The following SLC4A4 variants were observed in gnomAD, a reference collection of about 807,000 sequenced individuals.
SLC4A4 encodes the protein electrogenic sodium bicarbonate cotransporter 1.
Under a neutral mutation model 111.5 loss-of-function variants are expected in SLC4A4, and 27 were observed. The observed-to-expected ratio is 0.24, with a 90% CI of 0.18 to 0.33. SLC4A4 has a LOEUF of 0.33. Ranked by LOEUF, SLC4A4 falls within the 10% of genes least tolerant of loss-of-function variation. The probability of loss-of-function intolerance (pLI) is 1.00; values close to 1 mark genes in which losing one functional copy is unlikely to be tolerated. For synonymous variants in SLC4A4, 443 were observed against 463.4 expected (o/e 0.96, Z 0.57); for missense variants, 909 against 1,315.5 (o/e 0.69, Z 4.78).
At chr4:71,411,763 A>G (rs1299010435) in intron 7 of SLC4A4, among the ~76,000 whole-genome samples, 1 of 152,242 alleles carries the variant, frequency 6.6e-6, no homozygotes, top group Non-Finnish European at 1.5e-5. Context: ...GTTGGGTAGA[A>G]GAATGTAAGT....
At chr4:71,423,079 CT>C (rs1560495014) in intron 7 of SLC4A4, among the ~76,000 whole-genome samples, 1 of 152,144 alleles carries the variant, frequency 6.6e-6, no homozygotes, top group Non-Finnish European at 1.5e-5. Context: ...GGTTGTATAT[CT>C]AGAAAACCCC....
At chr4:71,330,769 A>G (rs1157873581) in intron 3 of SLC4A4, among the ~76,000 whole-genome samples, 4 of 152,284 alleles carry the variant, frequency 2.6e-5, no homozygotes, top group East Asian at 3.9e-4. Flanking sequence ...CTGCACAGCA[A>G]AAGAAACTAC....
At chr4:71,185,287 G>A (rs1027734810), upstream of SLC4A4, among the ~76,000 whole-genome samples, 1 of 152,184 alleles carries the variant, frequency 6.6e-6, no homozygotes, top group Non-Finnish European at 1.5e-5. Flanking sequence ...AACAGCAATG[G>A]CAAATTTTTA....
At chr4:71,257,614 G>A (rs1239943465) in intron 3 of SLC4A4, among the ~76,000 whole-genome samples, 1 of 152,138 alleles carries the variant, frequency 6.6e-6, no homozygotes. Context: ...AAAACTGAAT[G>A]AAATACTTGC....
At chr4:71,268,497 T>C (rs1352427708) in intron 3 of SLC4A4, among the ~76,000 whole-genome samples, 1 of 152,216 alleles carries the variant, frequency 6.6e-6, no homozygotes, top group African/African-American at 2.4e-5. Context: ...TTTTGGTTTG[T>C]TAGCTTATTT....
intron 18 of SLC4A4, among the ~76,000 whole-genome samples, chr4:71,545,293 A>G (rs560176835): frequency 6.6e-6 from 1 of 152,110 alleles, no homozygotes; most frequent in Admixed American, 6.6e-5. Flanking sequence ...AGAGGAGAGC[A>G]GTGTTGTGAC....
chr4:71,498,020 T>C (rs1251631963), intron 16 of SLC4A4, among the ~76,000 whole-genome samples: 1 of 152,188 alleles, frequency 6.6e-6, no homozygotes, highest in Non-Finnish European at 1.5e-5. Context: ...TGTGTTTAAG[T>C]ACATAATCAA....
At chr4:71,413,897 C>G (rs1721610949) in intron 7 of SLC4A4, among the ~76,000 whole-genome samples, 1 of 152,090 alleles carries the variant, frequency 6.6e-6, no homozygotes, top group African/African-American at 2.4e-5. Flanking sequence ...CATCTCTTCC[C>G]CCTTGTGCTT....
intron 3 of SLC4A4, chr4:71,338,954 G>A: frequency 2.4e-6 from 2 of 846,022 alleles, no homozygotes; most frequent in Non-Finnish European, 3.3e-6. Flanking sequence ...GGGGATCTCA[G>A]GATTGGGGTA....
chr4:71,446,703 G>A (rs552253813), intron 8 of SLC4A4, among the ~76,000 whole-genome samples: 5 of 152,282 alleles, frequency 3.3e-5, no homozygotes, highest in African/African-American at 9.6e-5. Context: ...TATAAGCTGG[G>A]CAGGCATATG....
At chr4:71,365,109 C>T (rs1261395921) in intron 6 of SLC4A4, among the ~76,000 whole-genome samples, 1 of 152,058 alleles carries the variant, frequency 6.6e-6, no homozygotes, top group African/African-American at 2.4e-5. Flanking sequence ...AAGATGTTAC[C>T]ATGTAATAAA....
chr4:71,402,604 G>A (rs2148987214), intron 7 of SLC4A4, among the ~76,000 whole-genome samples: 1 of 152,314 alleles, frequency 6.6e-6, no homozygotes, highest in South Asian at 2.1e-4. Context: ...ACATTGCTGT[G>A]TTAGAGGAGC....
At chr4:71,514,910 T>C (rs1333387429) in intron 16 of SLC4A4, among the ~76,000 whole-genome samples, 2 of 152,098 alleles carry the variant, frequency 1.3e-5, no homozygotes, top group East Asian at 3.8e-4. Flanking sequence ...AGCAGTTTAT[T>C]GGCTGTGTAT....
At chr4:71,445,031 A>G (rs1352793941) in intron 8 of SLC4A4, among the ~76,000 whole-genome samples, 1 of 152,216 alleles carries the variant, frequency 6.6e-6, no homozygotes, top group Non-Finnish European at 1.5e-5. Context: ...TAAAAAATAA[A>G]AATTGCATTA....
intron 1 of SLC4A4, among the ~76,000 whole-genome samples, chr4:71,213,150 T>G (rs560396123): frequency 2.0e-5 from 3 of 152,202 alleles, no homozygotes; most frequent in Non-Finnish European, 2.9e-5. Flanking sequence ...AAACGATGCA[T>G]TTCTTGGAAT....
intron 1 of SLC4A4, among the ~76,000 whole-genome samples, chr4:71,209,195 A>T: frequency 6.6e-6 from 1 of 152,300 alleles, no homozygotes; most frequent in Non-Finnish European, 1.5e-5. Flanking sequence ...AAGGACCCTC[A>T]TACTATCTGT....
At chr4:71,192,449 A>C (rs1745773697) in intron 1 of SLC4A4, among the ~76,000 whole-genome samples, 1 of 152,256 alleles carries the variant, frequency 6.6e-6, no homozygotes, top group African/African-American at 2.4e-5. Flanking sequence ...CATAGCAAAC[A>C]GTAAACTACA....
At chr4:71,381,755 C>T (rs1370073142) in intron 6 of SLC4A4, among the ~76,000 whole-genome samples, 1 of 152,072 alleles carries the variant, frequency 6.6e-6, no homozygotes, top group Non-Finnish European at 1.5e-5. Flanking sequence ...CTCGCTGTGT[C>T]ACCCAGGCTG....
At chr4:71,266,931 T>C (rs1194260456) in intron 3 of SLC4A4, among the ~76,000 whole-genome samples, 1 of 152,220 alleles carries the variant, frequency 6.6e-6, no homozygotes, top group Non-Finnish European at 1.5e-5. Context: ...ACTGACATTT[T>C]GGTGGGGGAA....
Sources: allele counts gnomAD v4.1 joint callset (sites outside exome capture counted in the v4.1 genomes callset), GRCh38; gene constraint gnomAD v4.1.1; transcripts MANE v1.5; gene names NCBI Gene and HGNC (gene_info 2026-07-23, HGNC 2026-07-21).